The following UNC13C variants were observed in gnomAD, a reference collection of about 807,000 sequenced individuals.
UNC13C encodes the protein protein unc-13 homolog C.
UNC13C carries 174 observed loss-of-function variants against 245.4 expected under a neutral mutation model. The ratio of observed to expected loss-of-function variants is 0.71; its 90% CI spans 0.63 to 0.80. The LOEUF (loss-of-function observed/expected upper bound fraction) is 0.80. UNC13C is among the 30% of genes least tolerant of loss of function. The pLI, the probability that UNC13C is intolerant of heterozygous loss-of-function variation, is 0.00. For synonymous variants in UNC13C, 992 were observed against 895.1 expected (o/e 1.11, Z -1.93); for missense variants, 2,829 against 2,602.9 (o/e 1.09, Z -1.89).
chr15:54,612,422 G>A (rs531778496), intron 30 of UNC13C, among the ~76,000 whole-genome samples: 22 of 152,028 alleles, frequency 1.4e-4, no homozygotes, highest in African/African-American at 4.1e-4. Context: ...GATAGTAACC[G>A]TCTCTCTGTA....
intron 19 of UNC13C, among the ~76,000 whole-genome samples, chr15:54,494,339 T>C (rs537663936): frequency 1.4e-4 from 21 of 152,286 alleles, no homozygotes; most frequent in African/African-American, 5.0e-4. Context: ...TATTACTCTG[T>C]AACTACATCT....
chr15:54,268,511 CAAA>C (rs1204902060), intron 10 of UNC13C, among the ~76,000 whole-genome samples: 4 of 152,068 alleles, frequency 2.6e-5, no homozygotes, highest in Non-Finnish European at 5.9e-5. Flanking sequence ...GCAGACATTG[CAAA>C]TGTTACTTTG....
At chr15:54,372,833 A>G (rs2039519691) in intron 17 of UNC13C, among the ~76,000 whole-genome samples, 1 of 152,224 alleles carries the variant, frequency 6.6e-6, no homozygotes, top group African/African-American at 2.4e-5. Flanking sequence ...CTATACCTGC[A>G]TTGCCTAATA....
At chr15:54,484,516 C>T (rs1350933858) in intron 19 of UNC13C, among the ~76,000 whole-genome samples, 3 of 151,592 alleles carry the variant, frequency 2.0e-5, no homozygotes, top group Non-Finnish European at 2.9e-5. Flanking sequence ...AATACATTAT[C>T]AGTAAAGTAA....
At chr15:54,467,493 C>A (rs989798743) in intron 19 of UNC13C, among the ~76,000 whole-genome samples, 1 of 151,258 alleles carries the variant, frequency 6.6e-6, no homozygotes, top group African/African-American at 2.4e-5. Context: ...ATTTAAATTC[C>A]TCTCCCTTAG....
chr15:54,066,987 A>G (rs1898106357), intron 2 of UNC13C, among the ~76,000 whole-genome samples: 1 of 152,098 alleles, frequency 6.6e-6, no homozygotes, highest in African/African-American at 2.4e-5. Context: ...GCAGGATGTT[A>G]CCACACTCAC....
Position 54,430,107 on chromosome 15 carries a change from C to T in UNC13C, c.4933+15040C>T, listed in dbSNP as rs562452382. Among the ~76,000 whole-genome samples, 6 of 151,598 alleles carry T rather than the reference C, an allele frequency of 4.0e-5. No individual in the cohort carries two copies. In the East Asian group the frequency reaches 1.2e-3, roughly 30 times the overall value. Reference sequence around the variant, plus strand: ...TTTTTTAATTTAACCCTAAGATAACCTCTAATCTAATAGTATGTTGACATG... The same window carrying T: ...TTTTTTAATTTAACCCTAAGATAACTTCTAATCTAATAGTATGTTGACATG... On this transcript the variant is annotated intron_variant, in intron 19 of 32. Coordinates refer to ENST00000260323, the MANE Select transcript of UNC13C (RefSeq NM_001080534.3).
the UNC13C span, among the ~76,000 whole-genome samples, chr15:53,955,556 C>T: frequency 6.6e-6 from 1 of 152,144 alleles, no homozygotes; most frequent in Admixed American, 6.5e-5. Context: ...AGTGACAGGG[C>T]TGTTGAAATT....
In UNC13C at chr15:54,599,876, G is replaced by A. The variant is rs559666230; in HGVS notation, c.6107-22451G>A. On this transcript the variant is annotated intron_variant, in intron 30 of 32. Transcript: ENST00000260323. ...TGGTCTCCTCACTCTTCTTTCTCTC[G>A]CACCTCTTCCTAACCATTGAAAGTA... 1.4e-3 allele frequency among the ~76,000 whole-genome samples: 212 copies of A among 152,008 alleles called. 1 individual carries two copies. The highest frequency in any genetic ancestry group is 4.9e-3 in the African/African-American group (205 of 41,474).
At chr15:54,120,152 C>T (rs181937189) in intron 2 of UNC13C, among the ~76,000 whole-genome samples, 274 of 152,274 alleles carry the variant, frequency 1.8e-3, no homozygotes, top group African/African-American at 6.0e-3. Context: ...TGGACGAAAA[C>T]GACACCAGGA....
intron 19 of UNC13C, among the ~76,000 whole-genome samples, chr15:54,491,755 T>C (rs1300956585): frequency 1.3e-5 from 2 of 152,022 alleles, no homozygotes; most frequent in Non-Finnish European, 2.9e-5. Flanking sequence ...GTAATCCCAG[T>C]ACTTTGGGAG....
chr15:54,536,273 T>A (rs2141157592), intron 26 of UNC13C, among the ~76,000 whole-genome samples: 1 of 152,008 alleles, frequency 6.6e-6, no homozygotes, highest in African/African-American at 2.4e-5. Context: ...CTACCAAGAT[T>A]GAACCAGGAA....
intron 10 of UNC13C, among the ~76,000 whole-genome samples, chr15:54,277,387 A>G (rs1453852538): frequency 6.6e-6 from 1 of 152,182 alleles, no homozygotes; most frequent in Non-Finnish European, 1.5e-5. Flanking sequence ...TTTTATTATG[A>G]TTAGATCCAT....
At chr15:54,596,663 G>C (rs1172574803) in intron 30 of UNC13C, among the ~76,000 whole-genome samples, 1 of 152,186 alleles carries the variant, frequency 6.6e-6, no homozygotes, top group Admixed American at 6.5e-5. Context: ...TTGGAGGTGG[G>C]ATCTAGTGGG....
At chr15:54,146,654 A>G (rs2032273727) in intron 4 of UNC13C, among the ~76,000 whole-genome samples, 1 of 152,248 alleles carries the variant, frequency 6.6e-6, no homozygotes, top group Non-Finnish European at 1.5e-5. Context: ...GTTTTGGTGA[A>G]ATCAATGAAT....
chr15:54,176,658 A>T (rs1319319668), intron 4 of UNC13C, among the ~76,000 whole-genome samples: 1 of 152,142 alleles, frequency 6.6e-6, no homozygotes, highest in Non-Finnish European at 1.5e-5. Context: ...GAGCCAATAG[A>T]CTCAATACTT....
intron 19 of UNC13C, among the ~76,000 whole-genome samples, chr15:54,427,229 C>T (rs993769849): frequency 6.6e-6 from 1 of 151,658 alleles, no homozygotes; most frequent in African/African-American, 2.4e-5. Flanking sequence ...TGGGAAGGAC[C>T]CAGGGGGAGA....
the UNC13C span, among the ~76,000 whole-genome samples, chr15:53,890,299 GC>G: frequency 6.6e-6 from 1 of 151,982 alleles, no homozygotes; most frequent in Non-Finnish European, 1.5e-5. Flanking sequence ...CTGCCATCAC[GC>G]CCAGCTAATT....
At chr15:54,316,408 C>T (rs898053106) in intron 13 of UNC13C, among the ~76,000 whole-genome samples, 3 of 151,866 alleles carry the variant, frequency 2.0e-5, no homozygotes, top group Admixed American at 1.3e-4. Context: ...CTCTATGCCA[C>T]GCTTGGCTAT....
Sources: allele counts gnomAD v4.1 joint callset (sites outside exome capture counted in the v4.1 genomes callset), GRCh38; gene constraint gnomAD v4.1.1; transcripts MANE v1.5; gene names NCBI Gene and HGNC (gene_info 2026-07-23, HGNC 2026-07-21).